PASK: variants seen among roughly 807,000 people sequenced by gnomAD.
PASK encodes the protein PAS domain-containing serine/threonine-protein kinase.
In PASK, 110 loss-of-function variants were observed where a neutral mutation model predicts 121.0. The ratio of observed to expected loss-of-function variants is 0.91; its 90% CI spans 0.78 to 1.06. The LOEUF is 1.06. Ranked by LOEUF, PASK falls within the 50% of genes least tolerant of loss-of-function variation. The pLI is 0.00. For synonymous variants in PASK, 686 were observed against 717.8 expected (o/e 0.96, Z 0.71); for missense variants, 1,643 against 1,702.3 (o/e 0.97, Z 0.61).
chr2:241,126,799 C>T lies in PASK; in HGVS notation c.2116G>A (p.Gly706Ser), dbSNP rs2065887252. The T allele has an allele frequency of 9.9e-6, 16 of 1,613,938 alleles. No homozygotes were observed. The highest frequency in any genetic ancestry group is 1.2e-5 in the Non-Finnish European group (14 of 1,179,958). Residue 706 changes from glycine (G) to serine (S), a missense_variant, in exon 10 of 18, where the codon GGT becomes AGT. Physicochemically the swap from Gly to Ser is moderately conservative, Grantham distance 56 (BLOSUM62 0). This residue lies in a region of PASK where 1,176 missense variants were observed against 1,162.2 expected (regional missense o/e 1.01). Coordinates refer to ENST00000234040, the MANE Select transcript of PASK (RefSeq NM_015148.4). ...SCDLGGRDLC[G>S]GCTGSSSACY... ...GCTGAGGAGCTGCCCGTGCAGCCACCGCACAGGTCTCTGCCTCCCAGATCG... is the reference window on the plus strand; with the variant it reads ...GCTGAGGAGCTGCCCGTGCAGCCACTGCACAGGTCTCTGCCTCCCAGATCG...
intron 12 of PASK, among the ~76,000 whole-genome samples, chr2:241,119,316 G>A (rs3771351): frequency 0.19 from 28,711 of 152,064 alleles, 2,905 homozygotes; most frequent in Middle Eastern, 0.32. Flanking sequence ...CCCTGTGCAC[G>A]CCACCCCACT....
Position 241,112,151 on chromosome 2 carries a change from A to T in PASK, c.3533+89T>A. The T allele has an allele frequency of 1.0e-6, 1 of 992,884 alleles. No homozygotes were observed. The highest frequency in any genetic ancestry group is 1.7e-5 in the Admixed American group (1 of 58,406). The allele number at this position is 992,884 out of a possible 1,614,324, so 61.5% of individuals were successfully genotyped here. On this transcript the variant is annotated intron_variant, in intron 15 of 17. Transcript: ENST00000234040. This position sits in a 1 kb window ranked among gnomAD's most constrained non-coding sequence, Gnocchi z 5.2. ...CAACACTCATCACAAAGAGGCACAA[A>T]GGAAGCCATTTTCCCACCCAAAATC...
chr2:241,138,870 G>C (rs572186643), intron 4 of PASK, 76 bp from the exon 5 acceptor site: 2 of 1,482,662 alleles, frequency 1.3e-6, no homozygotes, highest in East Asian at 4.5e-5. Context: ...CTGCCTCCAG[G>C]AGGCCCAAAC....
At position 241,124,007 on chromosome 2, in the gene PASK, C is replaced by T; in HGVS notation, c.2846G>A (p.Ser949Asn). 1 of 1,614,020 alleles carries T rather than the reference C, an allele frequency of 6.2e-7. No individual in the cohort carries two copies. The highest frequency in any genetic ancestry group is 8.5e-7 in the Non-Finnish European group (1 of 1,180,020). ...SAARTRLFLA[S>N]LPGSTHSTAA... The stretch of plus-strand genomic sequence containing the variant: ...GGTAGAGTGGGTGGAGCCGGGCAGG[C>T]TGGCAAGGAACAGGCGGGTCCTGGC... The change falls in exon 11 of 18, where the codon AGC (serine) becomes AAC (asparagine). Residue 949 changes from serine to asparagine, a missense_variant. Ser to Asn is a conservative substitution (Grantham distance 46). Around this residue, in one of 3 missense-constraint regions of PASK, gnomAD observed 453 missense variants for 511.2 expected, o/e 0.89. Transcript: ENST00000234040.
At position 241,123,965 on chromosome 2, in the gene PASK, C is replaced by G; in HGVS notation, c.2888G>C (p.Gly963Ala). ...STHSTAAELT[G>A]PSLVEVLRAR... is the part of the protein sequence containing the mutation. ...AATACCCACTTCCACCAGGCTGGGT[C>G]CGGTGAGCTCAGCAGCGGTAGAGTG... Residue 963 changes from glycine to alanine, a missense_variant, in exon 11 of 18, where the codon GGA becomes GCA. Gly to Ala is a moderately conservative substitution (Grantham distance 60). Transcript: ENST00000234040. The G allele has an allele frequency of 6.2e-7, 1 of 1,613,756 alleles. No homozygotes were observed. The highest frequency in any genetic ancestry group is 1.1e-5 in the South Asian group (1 of 91,062).
intron 10 of PASK, among the ~76,000 whole-genome samples, chr2:241,125,323 G>A (rs1443084203): frequency 4.4e-5 from 6 of 135,034 alleles, no homozygotes; most frequent in African/African-American, 1.1e-4. Context: ...AAAATAGGCC[G>A]GGCACGGTGG....
upstream of PASK, chr2:241,149,680 G>C (rs558485706): frequency 6.5e-7 from 1 of 1,548,710 alleles, no homozygotes; most frequent in Admixed American, 1.9e-5. Context: ...GGGCAGATGC[G>C]GTTTCCTCCC....
chr2:241,124,077 A>G lies in PASK; in HGVS notation c.2776T>C (p.Cys926Arg). Residue 926 changes from cysteine to arginine, a missense_variant, in exon 11 of 18, where the codon TGC (cysteine) becomes CGC (arginine). Transcript: ENST00000234040. ...TGGAGGAGGTCTTTCACCAGCCAGC[A>G]GCAGAACAGAGGTGTGGGGCCCTGG... is the stretch of plus-strand genomic sequence containing the variant. ...ELQGPTPLFC[C>R]WLVKDLLHSQ... is the part of the protein sequence containing the mutation. 1 of 1,613,840 alleles carries G rather than the reference A, an allele frequency of 6.2e-7. No homozygotes were observed. Among genetic ancestry groups the G allele is most frequent in the Non-Finnish European group, 8.5e-7 (1 of 1,179,952 alleles).
rs749057604 is a variant in PASK at position 241,106,740 on chromosome 2, G to A, written c.3815-17C>T. 3 of 1,613,156 alleles carry A rather than the reference G, an allele frequency of 1.9e-6. No individual in the cohort carries two copies. The highest frequency in any genetic ancestry group is 2.2e-5 in the East Asian group (1 of 44,872). The stretch of plus-strand genomic sequence containing the variant: ...CTCCACTTTCTGAAGAAACAAGAAG[G>A]TAACTGTATCACGTGCTAACAACTT... On this transcript the variant is annotated splice_polypyrimidine_tract_variant and intron_variant, in intron 17 of 17. Transcript: ENST00000234040.
chr2:241,149,782 C>T (rs2067198278), upstream of PASK: 5 of 1,535,636 alleles, frequency 3.3e-6, no homozygotes, highest in East Asian at 2.4e-5. Context: ...CGTTCATGGG[C>T]CGGGTGGCTC....
chr2:241,144,152 G>A (rs2066844332), intron 1 of PASK, among the ~76,000 whole-genome samples: 1 of 132,916 alleles, frequency 7.5e-6, no homozygotes, highest in African/African-American at 2.6e-5. Context: ...ACATGAGCGT[G>A]TGTGTGTGCG....
At chr2:241,138,885 G>A in intron 4 of PASK, 91 bp from the exon 5 acceptor site, 1 of 1,245,820 alleles carries the variant, frequency 8.0e-7, no homozygotes, top group Non-Finnish European at 1.2e-6. Flanking sequence ...CCAAACTCCA[G>A]GCACTGCAAC....
At chr2:241,137,416 C>T (rs952995269) in intron 6 of PASK, 152 bp from the exon 7 acceptor site, 1 of 731,864 alleles carries the variant, frequency 1.4e-6, no homozygotes, top group African/African-American at 1.7e-5. Flanking sequence ...CCCTCTCCTC[C>T]CAGGCCCAGC....
chr2:241,131,609 C>T (rs907753370), intron 9 of PASK, among the ~76,000 whole-genome samples: 14 of 152,206 alleles, frequency 9.2e-5, no homozygotes, highest in Admixed American at 2.6e-4. Context: ...TCAGGCTCAA[C>T]GGCAGGCAGT....
intron 17 of PASK, among the ~76,000 whole-genome samples, chr2:241,106,980 C>T (rs952116034): frequency 2.6e-5 from 4 of 152,232 alleles, no homozygotes; most frequent in South Asian, 4.1e-4. Flanking sequence ...CCCTCGGCCC[C>T]GCCGGCTGCT....
chr2:241,142,674 C>G (rs1467291743), intron 2 of PASK, among the ~76,000 whole-genome samples, 163 bp downstream of exon 2: 2 of 152,200 alleles, frequency 1.3e-5, no homozygotes, highest in East Asian at 3.8e-4. Flanking sequence ...AAGGGTCCTG[C>G]CGGAGTCATC....
intron 14 of PASK, chr2:241,114,794 C>A: frequency 7.0e-7 from 1 of 1,424,302 alleles, no homozygotes; most frequent in Non-Finnish European, 9.1e-7. Context: ...TAAACCTTAA[C>A]CATTAAACAT....
At chr2:241,141,092 C>T (rs2066678570) in intron 2 of PASK, among the ~76,000 whole-genome samples, 1 of 152,200 alleles carries the variant, frequency 6.6e-6, no homozygotes. Flanking sequence ...CCAGCCTGGA[C>T]AACACAGCGA....
intron 14 of PASK, 199 bp downstream of exon 14, chr2:241,114,840 ATCCT>A: frequency 2.0e-6 from 3 of 1,481,192 alleles, no homozygotes; most frequent in Non-Finnish European, 1.8e-6. Context: ...ATCTGGCCTC[ATCCT>A]TCCTTCCCAA....
Sources: allele counts gnomAD v4.1 joint callset (sites outside exome capture counted in the v4.1 genomes callset), GRCh38; gene constraint gnomAD v4.1.1; regional missense constraint gnomAD v4.1.1; non-coding constraint Gnocchi (gnomAD v3.1); transcripts MANE v1.5; gene names NCBI Gene and HGNC (gene_info 2026-07-23, HGNC 2026-07-21).